Variants in EPHA3 observed in about 807,000 individuals in gnomAD.
The protein encoded by EPHA3 is ephrin type-A receptor 3.
A neutral mutation model predicts 107.1 loss-of-function variants in EPHA3; 42 were observed. That is an observed-to-expected ratio of 0.39 (90% confidence interval 0.31 to 0.51). EPHA3 has a LOEUF of 0.51. Among genes scored for constraint, EPHA3 ranks in the 20% least tolerant of loss-of-function variants. The pLI is 0.78. For synonymous variants in EPHA3, 461 were observed against 424.8 expected (o/e 1.09, Z -1.05); for missense variants, 1,183 against 1,211.2 (o/e 0.98, Z 0.35).
At chr3:89,241,732 G>A (rs1053264616) in intron 3 of EPHA3, among the ~76,000 whole-genome samples, 12 of 152,158 alleles carry the variant, frequency 7.9e-5, no homozygotes, top group Non-Finnish European at 1.3e-4. Context: ...AGAATGCAAC[G>A]TACATTCTTT....
At chr3:89,141,209 A>G (rs1028763094) in intron 2 of EPHA3, among the ~76,000 whole-genome samples, 2 of 151,646 alleles carry the variant, frequency 1.3e-5, no homozygotes, top group Non-Finnish European at 3.0e-5. Flanking sequence ...AGAGCCTCAT[A>G]CATTATGCCA....
intron 3 of EPHA3, among the ~76,000 whole-genome samples, chr3:89,222,721 G>A (rs941474433): frequency 1.3e-5 from 2 of 151,980 alleles, no homozygotes; most frequent in African/African-American, 4.8e-5. Context: ...TTGGACTGCT[G>A]CACACATTCC....
intron 3 of EPHA3, among the ~76,000 whole-genome samples, chr3:89,337,074 A>T (rs1189056848): frequency 6.6e-6 from 1 of 152,020 alleles, no homozygotes; most frequent in African/African-American, 2.4e-5. Flanking sequence ...AAGAAAAAAA[A>T]AAAAAGAAAA....
rs184930434 is a variant in EPHA3, at chr3:89,244,669, C to T, written c.814+34149C>T. On this transcript the variant is annotated intron_variant, in intron 3 of 16. Coordinates refer to ENST00000336596, the MANE Select transcript of EPHA3 (RefSeq NM_005233.6). ...AAATATTTTAAATTAGCTCTACTTC[C>T]TATATTAAAATATTATTTCAGCCAC... 7.9e-5 allele frequency among the ~76,000 whole-genome samples: 12 copies of T among 152,200 alleles called. No homozygotes were observed. In the East Asian group the frequency reaches 2.3e-3, roughly 29 times the overall value.
chr3:89,423,963 A>G (rs1410536066), intron 11 of EPHA3, among the ~76,000 whole-genome samples: 1 of 151,504 alleles, frequency 6.6e-6, no homozygotes, highest in Non-Finnish European at 1.5e-5. Context: ...AAGAAGAAAT[A>G]TGATGAAGCA....
chr3:89,309,346 T>C (rs1173421436), intron 3 of EPHA3, among the ~76,000 whole-genome samples: 2 of 152,146 alleles, frequency 1.3e-5, no homozygotes, highest in Non-Finnish European at 2.9e-5. Flanking sequence ...TTGCTTCGTT[T>C]AGGAAAGTTG....
intron 2 of EPHA3, among the ~76,000 whole-genome samples, chr3:89,157,020 C>A (rs1301606862): frequency 1.3e-5 from 2 of 151,960 alleles, no homozygotes; most frequent in Admixed American, 6.6e-5. Flanking sequence ...GTGGCAGAAA[C>A]AAGGTGTCTG....
chr3:89,254,641 C>T (rs1314398697), intron 3 of EPHA3, among the ~76,000 whole-genome samples: 1 of 152,194 alleles, frequency 6.6e-6, no homozygotes, highest in Non-Finnish European at 1.5e-5. Context: ...CTTGCTTCCA[C>T]CCCACTCCCT....
intron 3 of EPHA3, among the ~76,000 whole-genome samples, chr3:89,237,919 A>T (rs1374915609): frequency 6.6e-6 from 1 of 151,884 alleles, no homozygotes; most frequent in East Asian, 1.9e-4. Context: ...TTTCAGGATG[A>T]AGTTAGCTAT....
intron 2 of EPHA3, among the ~76,000 whole-genome samples, chr3:89,162,315 G>A (rs1020509226): frequency 6.6e-6 from 1 of 152,060 alleles, no homozygotes; most frequent in African/African-American, 2.4e-5. Context: ...AAATAAATTA[G>A]ATCAGAAGAA....
intron 3 of EPHA3, among the ~76,000 whole-genome samples, chr3:89,228,839 T>G (rs1003418823): frequency 1.3e-4 from 20 of 151,872 alleles, no homozygotes; most frequent in Middle Eastern, 3.2e-3. Flanking sequence ...GAGCAGCAGT[T>G]TTCAGGCTGA....
Position 89,367,065 on chromosome 3 carries a change from G to A in EPHA3, c.1306+24975G>A, listed in dbSNP as rs528861001. 1.0e-4 allele frequency among the ~76,000 whole-genome samples: 15 copies of A among 150,362 alleles called. No homozygotes were observed. The South Asian group carries it at 1.9e-3, about 19-fold the overall frequency. On this transcript the variant is annotated intron_variant, in intron 5 of 16. Transcript: ENST00000336596. Reference sequence around the variant, plus strand: ...ACAGTAGCCACTAGTCTGCAGTTGCGTTTCCACCTCATCTGTTTTACAAAG... The same window carrying A: ...ACAGTAGCCACTAGTCTGCAGTTGCATTTCCACCTCATCTGTTTTACAAAG...
chr3:89,283,124 C>A (rs974580044), intron 3 of EPHA3, among the ~76,000 whole-genome samples: 1 of 152,046 alleles, frequency 6.6e-6, no homozygotes, highest in African/African-American at 2.4e-5. Context: ...GGTGCAGTAA[C>A]AGGGCATGAA....
At chr3:89,376,372 T>A (rs965623691) in intron 5 of EPHA3, among the ~76,000 whole-genome samples, 1 of 151,600 alleles carries the variant, frequency 6.6e-6, no homozygotes, top group Non-Finnish European at 1.5e-5. Context: ...ACTAAAAGTG[T>A]ATATTTATAA....
chr3:89,148,887 C>T (rs1704629212), intron 2 of EPHA3, among the ~76,000 whole-genome samples: 1 of 151,822 alleles, frequency 6.6e-6, no homozygotes, highest in Non-Finnish European at 1.5e-5. Context: ...TATTTGGAGT[C>T]ATAATTATAA....
Position 89,131,110 on chromosome 3 carries a change from T to C in EPHA3, c.153+3837T>C, listed in dbSNP as rs554183273. ...GTCATGAAAATAATACTCAAATTTGTAAACTGAAATTATTTGTGGAGGTCG... is the reference window on the plus strand; with the variant it reads ...GTCATGAAAATAATACTCAAATTTGCAAACTGAAATTATTTGTGGAGGTCG... On this transcript the variant is annotated intron_variant, in intron 2 of 16. Coordinates refer to ENST00000336596, the MANE Select transcript of EPHA3 (RefSeq NM_005233.6). Among the ~76,000 whole-genome samples the C allele has an allele frequency of 2.0e-5, 3 of 152,344 alleles. No individual in the cohort carries two copies. In the South Asian group the frequency reaches 6.2e-4, roughly 32 times the overall value.
chr3:89,183,482 G>A (rs939411688), intron 2 of EPHA3, among the ~76,000 whole-genome samples: 1 of 151,608 alleles, frequency 6.6e-6, no homozygotes, highest in African/African-American at 2.4e-5. Flanking sequence ...TAGAAGGTAT[G>A]GTAACCCACA....
chr3:89,261,327 C>T (rs1406691092), intron 3 of EPHA3, among the ~76,000 whole-genome samples: 6 of 152,114 alleles, frequency 3.9e-5, no homozygotes, highest in Non-Finnish European at 8.8e-5. Context: ...GACCTCCTGC[C>T]TTGTTCTTTG....
At chr3:89,332,854 T>A (rs1466066780) in intron 3 of EPHA3, among the ~76,000 whole-genome samples, 6 of 152,316 alleles carry the variant, frequency 3.9e-5, no homozygotes, top group Admixed American at 1.3e-4. Context: ...TTTATTTTTT[T>A]AATTTAAAGT....
Sources: gnomAD v4.1 joint callset for allele counts (sites outside exome capture counted in the v4.1 genomes callset) on GRCh38, gnomAD v4.1.1 for gene constraint, MANE v1.5 for transcripts, NCBI Gene and HGNC (gene_info 2026-07-23, HGNC 2026-07-21) for gene names.